Variants in PPP3CA observed in about 807,000 individuals in gnomAD.
PPP3CA encodes CAM-PRP catalytic subunit.
A neutral mutation model predicts 66.5 loss-of-function variants in PPP3CA; 14 were observed. The observed-to-expected ratio is 0.21, with a 90% CI of 0.14 to 0.33. The LOEUF (loss-of-function observed/expected upper bound fraction) is 0.33, where lower values mean the gene tolerates loss of function less well. Among genes scored for constraint, PPP3CA ranks in the 10% least tolerant of loss-of-function variants. The pLI is 1.00. For missense variants in PPP3CA, 317 were observed against 639.5 expected (o/e 0.50, Z 5.44); for synonymous variants, 232 against 226.2 (o/e 1.03, Z -0.23).
chr4:101,025,802 C>T lies in PPP3CA; in HGVS notation c.*63G>A, dbSNP rs905003545. On this transcript the variant is annotated 3_prime_UTR_variant, in exon 14 of 14. Coordinates refer to ENST00000394854, the MANE Select transcript of PPP3CA (RefSeq NM_000944.5). ...TCCAACTGCTGATATGCAGCAATCCCCATCATGCCCCGCAGCTCAAAAAAA... is the reference window on the plus strand; with the variant it reads ...TCCAACTGCTGATATGCAGCAATCCTCATCATGCCCCGCAGCTCAAAAAAA... 6 of 1,317,134 alleles carry T rather than the reference C, an allele frequency of 4.6e-6. No individual in the cohort carries two copies. Among genetic ancestry groups the T allele is most frequent in the Non-Finnish European group, 6.1e-6 (6 of 980,400 alleles). The allele number at this position is 1,317,134 out of a possible 1,614,324, so 81.6% of individuals were successfully genotyped here. A position where few individuals can be genotyped will look rare whatever the true frequency, so the allele number is the denominator to read the frequency against.
intron 2 of PPP3CA, among the ~76,000 whole-genome samples, chr4:101,110,689 G>C (rs945031524): frequency 2.6e-5 from 4 of 152,034 alleles, no homozygotes; most frequent in African/African-American, 9.7e-5. Context: ...TTTATTCTTA[G>C]AGCTGAGCAA....
At chr4:101,323,159 T>C (rs1049963334) in intron 1 of PPP3CA, among the ~76,000 whole-genome samples, 2 of 152,188 alleles carry the variant, frequency 1.3e-5, no homozygotes, top group African/African-American at 4.8e-5. Context: ...CTAGTATTCC[T>C]ATTGCTCCAT....
intron 2 of PPP3CA, among the ~76,000 whole-genome samples, chr4:101,119,527 A>C (rs1721956458): frequency 6.6e-6 from 1 of 152,154 alleles, no homozygotes; most frequent in South Asian, 2.1e-4. Context: ...AAACAAAAAC[A>C]AAAAAACACA....
At chr4:101,098,993 T>C (rs1159953935) in intron 4 of PPP3CA, among the ~76,000 whole-genome samples, 3 of 152,094 alleles carry the variant, frequency 2.0e-5, no homozygotes, top group Admixed American at 6.6e-5. Flanking sequence ...TATGCTCCAT[T>C]GAATATAGGA....
chr4:101,267,321 T>C (rs1244346241), intron 1 of PPP3CA, among the ~76,000 whole-genome samples: 1 of 152,138 alleles, frequency 6.6e-6, no homozygotes, highest in East Asian at 1.9e-4. Flanking sequence ...ACATAATAGG[T>C]ATGAATTATC....
At chr4:101,185,165 G>GA (rs35724089) in intron 2 of PPP3CA, among the ~76,000 whole-genome samples, 36 of 145,064 alleles carry the variant, frequency 2.5e-4, no homozygotes, top group East Asian at 4.0e-4. Flanking sequence ...TTCTAACTAG[G>GA]AAAAAAAAAA....
At chr4:101,037,683 T>C (rs1396394477) in intron 11 of PPP3CA, among the ~76,000 whole-genome samples, 1 of 152,188 alleles carries the variant, frequency 6.6e-6, no homozygotes, top group African/African-American at 2.4e-5. Flanking sequence ...TTAACATGTA[T>C]AGTGAAACAT....
At chr4:101,219,489 C>A (rs1471256790) in intron 1 of PPP3CA, among the ~76,000 whole-genome samples, 1 of 151,876 alleles carries the variant, frequency 6.6e-6, no homozygotes, top group Non-Finnish European at 1.5e-5. Context: ...TAAAATCTCA[C>A]CATTAAACTA....
chr4:101,095,930 G>A (rs1335838204), intron 5 of PPP3CA, among the ~76,000 whole-genome samples: 1 of 152,114 alleles, frequency 6.6e-6, no homozygotes. Flanking sequence ...GATTACAGGC[G>A]TGAGGCACCA....
intron 2 of PPP3CA, 48 bp from the exon 3 acceptor site, chr4:101,109,126 GAATTA>G: frequency 6.5e-7 from 1 of 1,528,878 alleles, no homozygotes; most frequent in South Asian, 1.2e-5. Context: ...TTAGGACTTT[GAATTA>G]AATAATAAAA....
At chr4:101,183,121 A>G (rs1421764086) in intron 2 of PPP3CA, among the ~76,000 whole-genome samples, 1 of 152,166 alleles carries the variant, frequency 6.6e-6, no homozygotes, top group Non-Finnish European at 1.5e-5. Context: ...TAAATGTGAT[A>G]AAAGCTTATT....
chr4:101,293,628 G>T (rs1052146840), intron 1 of PPP3CA, among the ~76,000 whole-genome samples: 4 of 152,168 alleles, frequency 2.6e-5, no homozygotes, highest in Non-Finnish European at 5.9e-5. Context: ...ACATGTAGAA[G>T]ATGCTCCTGT....
intron 1 of PPP3CA, among the ~76,000 whole-genome samples, chr4:101,346,482 G>A (rs944646312): frequency 2.6e-5 from 4 of 151,596 alleles, no homozygotes; most frequent in Non-Finnish European, 5.9e-5. Flanking sequence ...ACCTCCCCGC[G>A]GCTCAGCCAT....
At chr4:101,193,477 GAA>G (rs1004559049) in intron 2 of PPP3CA, among the ~76,000 whole-genome samples, 2 of 145,952 alleles carry the variant, frequency 1.4e-5, no homozygotes, top group South Asian at 4.3e-4. Flanking sequence ...TTAGCTGAAA[GAA>G]AAAAAAAAAC....
chr4:101,304,604 G>A (rs1256889527), intron 1 of PPP3CA, among the ~76,000 whole-genome samples: 3 of 152,048 alleles, frequency 2.0e-5, no homozygotes, highest in East Asian at 1.9e-4. Context: ...ACAAGACTTC[G>A]AACAATTTCC....
chr4:101,241,770 TCA>T (rs1726318288), intron 1 of PPP3CA, among the ~76,000 whole-genome samples: 1 of 152,078 alleles, frequency 6.6e-6, no homozygotes, highest in South Asian at 2.1e-4. Context: ...ATACCAAAAA[TCA>T]CACAGTCTCA....
intron 1 of PPP3CA, among the ~76,000 whole-genome samples, chr4:101,275,128 C>A (rs568459259): frequency 7.2e-5 from 11 of 152,260 alleles, no homozygotes; most frequent in African/African-American, 2.4e-4. Flanking sequence ...TCATACTTAA[C>A]GGTATATATT....
intron 2 of PPP3CA, among the ~76,000 whole-genome samples, chr4:101,160,697 T>C (rs1723476440): frequency 6.6e-6 from 1 of 152,132 alleles, no homozygotes; most frequent in Admixed American, 6.6e-5. Flanking sequence ...CATGAATCAA[T>C]AGCTATTTCT....
At chr4:101,202,819 T>C (rs1477326041) in intron 1 of PPP3CA, among the ~76,000 whole-genome samples, 2 of 152,214 alleles carry the variant, frequency 1.3e-5, no homozygotes, top group African/African-American at 2.4e-5. Context: ...AGTAATTTAC[T>C]GGGTTTTTTT....
Sources: gnomAD v4.1 joint callset for allele counts (sites outside exome capture counted in the v4.1 genomes callset) on GRCh38, gnomAD v4.1.1 for gene constraint, MANE v1.5 for transcripts, NCBI Gene and HGNC (gene_info 2026-07-23, HGNC 2026-07-21) for gene names.